LSAMP: variants seen among roughly 807,000 people sequenced by gnomAD.
LSAMP encodes the protein limbic system associated membrane protein, also known as limbic system-associated membrane protein.
A neutral mutation model predicts 38.6 loss-of-function variants in LSAMP; 7 were observed. The observed-to-expected ratio is 0.18, with a 90% confidence interval of 0.10 to 0.34. The LOEUF (loss-of-function observed/expected upper bound fraction) is 0.34, where lower values mean the gene tolerates loss of function less well. LSAMP is among the 10% of genes least tolerant of loss of function. The pLI is 1.00. For missense variants in LSAMP, 313 were observed against 420.0 expected (o/e 0.75, Z 2.23); for synonymous variants, 154 against 166.8 (o/e 0.92, Z 0.59).
At chr3:115,965,922 A>C (rs1445344600) in intron 3 of LSAMP, among the ~76,000 whole-genome samples, 2 of 152,206 alleles carry the variant, frequency 1.3e-5, no homozygotes, top group African/African-American at 2.4e-5. Flanking sequence ...ATAAATTAAT[A>C]TAAATTAGTA....
intron 3 of LSAMP, among the ~76,000 whole-genome samples, chr3:115,972,256 A>C (rs1412178626): frequency 6.6e-6 from 1 of 152,030 alleles, no homozygotes; most frequent in African/African-American, 2.4e-5. Context: ...ATTTATAGCA[A>C]CTAAATCATA....
chr3:116,067,500 A>G (rs1175032050), intron 2 of LSAMP, among the ~76,000 whole-genome samples: 1 of 152,200 alleles, frequency 6.6e-6, no homozygotes, highest in African/African-American at 2.4e-5. Context: ...AGATGTATAC[A>G]GAAACAGCCT....
chr3:116,019,216 T>C (rs781324481), intron 3 of LSAMP, among the ~76,000 whole-genome samples: 20 of 151,136 alleles, frequency 1.3e-4, no homozygotes, highest in Non-Finnish European at 1.2e-4. Context: ...GATCTCTTGA[T>C]AGATAGATAG....
At chr3:115,953,138 C>G (rs6438291) in intron 3 of LSAMP, among the ~76,000 whole-genome samples, 133,178 of 152,130 alleles carry the variant, frequency 0.88, 58,593 homozygotes, top group East Asian at 0.98. Flanking sequence ...CATGGGGTAT[C>G]TCCTTCGTGT....
chr3:115,953,512 G>C (rs1938360664), intron 3 of LSAMP, among the ~76,000 whole-genome samples: 4 of 151,560 alleles, frequency 2.6e-5, no homozygotes, highest in Admixed American at 2.6e-4. Flanking sequence ...AATATTATCT[G>C]CAGTCATGCT....
rs140420297 is a variant in LSAMP at position 115,860,337 on chromosome 3, C to T, written c.515-7720G>A. 2.0e-4 allele frequency among the ~76,000 whole-genome samples: 30 copies of T among 152,310 alleles called. No homozygotes were observed. The East Asian group carries it at 5.8e-3, about 29-fold the overall frequency. On this transcript the variant is annotated intron_variant, in intron 3 of 6. Coordinates refer to ENST00000490035, the MANE Select transcript of LSAMP (RefSeq NM_002338.5). ...ATGAGCTTTGACCCAGGTCTGTGGACGTTTGGGACTCATGTTCCGAACTAA... is the reference window on the plus strand; with the variant it reads ...ATGAGCTTTGACCCAGGTCTGTGGATGTTTGGGACTCATGTTCCGAACTAA...
intron 3 of LSAMP, among the ~76,000 whole-genome samples, chr3:115,895,940 GA>G (rs1936717866): frequency 6.6e-6 from 1 of 151,970 alleles, no homozygotes; most frequent in African/African-American, 2.4e-5. Flanking sequence ...ATTTTTCCCT[GA>G]AGAGCCAAGT....
chr3:116,182,358 A>T (rs953188661), intron 1 of LSAMP, among the ~76,000 whole-genome samples: 4 of 151,238 alleles, frequency 2.6e-5, no homozygotes, highest in African/African-American at 9.7e-5. Flanking sequence ...TGGATTTTTA[A>T]ATTAAATATA....
chr3:116,426,815 G>T (rs1475802339), intron 1 of LSAMP, among the ~76,000 whole-genome samples: 2 of 151,708 alleles, frequency 1.3e-5, no homozygotes, highest in Admixed American at 1.3e-4. Context: ...GAGGTTATAC[G>T]TAATGGTAAA....
intron 3 of LSAMP, among the ~76,000 whole-genome samples, chr3:116,006,903 C>T (rs1192021873): frequency 2.6e-5 from 4 of 152,188 alleles, no homozygotes; most frequent in Non-Finnish European, 5.9e-5. Flanking sequence ...ATTTTCCCAT[C>T]TGCTTTTCAA....
intron 1 of LSAMP, among the ~76,000 whole-genome samples, chr3:116,144,906 T>C (rs1392368168): frequency 1.3e-5 from 2 of 151,970 alleles, no homozygotes; most frequent in Non-Finnish European, 2.9e-5. Context: ...TAAAATAATA[T>C]AGTTGGTTAT....
chr3:115,904,163 A>G (rs1936951713), intron 3 of LSAMP, among the ~76,000 whole-genome samples: 2 of 152,176 alleles, frequency 1.3e-5, no homozygotes, highest in South Asian at 2.1e-4. Flanking sequence ...GGACATGACT[A>G]TAGATGTTAG....
intron 1 of LSAMP, among the ~76,000 whole-genome samples, chr3:116,420,668 C>T (rs1175991564): frequency 5.3e-5 from 8 of 151,500 alleles, no homozygotes; most frequent in Admixed American, 2.6e-4. Context: ...GTCAGGAATT[C>T]GAGACCAGCC....
intron 1 of LSAMP, among the ~76,000 whole-genome samples, chr3:116,394,014 G>A (rs1055610976): frequency 2.0e-4 from 31 of 152,170 alleles, no homozygotes; most frequent in African/African-American, 6.8e-4. Context: ...GAAGACCAGC[G>A]AATCTGCTCT....
intron 1 of LSAMP, among the ~76,000 whole-genome samples, chr3:116,167,197 A>G (rs1332587949): frequency 6.6e-6 from 1 of 152,080 alleles, no homozygotes; most frequent in East Asian, 1.9e-4. Context: ...CCTGTCACCC[A>G]AGCAGTGTAC....
chr3:116,322,230 G>T (rs1309165834), intron 1 of LSAMP, among the ~76,000 whole-genome samples: 1 of 152,130 alleles, frequency 6.6e-6, no homozygotes, highest in African/African-American at 2.4e-5. Flanking sequence ...TCCTACACTA[G>T]CTGCTCTAAG....
chr3:115,963,016 G>A (rs893036868), intron 3 of LSAMP, among the ~76,000 whole-genome samples: 16 of 152,246 alleles, frequency 1.1e-4, no homozygotes, highest in African/African-American at 2.9e-4. Context: ...ACTTACTACT[G>A]AGCGATAGGA....
chr3:116,370,194 G>T (rs2048411512), intron 1 of LSAMP: 1 of 152,094 alleles, frequency 6.6e-6, no homozygotes, highest in South Asian at 2.1e-4. Context: ...AGTGTTTTGG[G>T]GAATAAAAGG....
At chr3:115,841,299 G>A (rs746213505) in intron 6 of LSAMP, among the ~76,000 whole-genome samples, 1 of 152,086 alleles carries the variant, frequency 6.6e-6, no homozygotes, top group Non-Finnish European at 1.5e-5. Context: ...AAAGCTTTCT[G>A]CAACCATTTT....
Sources: gnomAD v4.1 joint callset for allele counts (sites outside exome capture counted in the v4.1 genomes callset) on GRCh38, gnomAD v4.1.1 for gene constraint, MANE v1.5 for transcripts, NCBI Gene and HGNC (gene_info 2026-07-23, HGNC 2026-07-21) for gene names.